Variants in CWC22 observed in about 807,000 individuals in gnomAD.
CWC22 encodes the protein pre-mRNA-splicing factor CWC22 homolog.
A neutral mutation model predicts 117.2 loss-of-function variants in CWC22; 53 were observed. The observed-to-expected ratio is 0.45, with a 90% CI of 0.36 to 0.57. The LOEUF (loss-of-function observed/expected upper bound fraction) is 0.57. CWC22 is among the 20% of genes least tolerant of loss of function. The probability of loss-of-function intolerance (pLI) is 0.00; values close to 1 mark genes in which losing one functional copy is unlikely to be tolerated. For missense variants in CWC22, 980 were observed against 1,068.8 expected (o/e 0.92, Z 1.16); for synonymous variants, 360 against 355.6 (o/e 1.01, Z -0.14).
intron 13 of CWC22, among the ~76,000 whole-genome samples, chr2:179,963,194 C>T (rs1686797750): frequency 6.6e-6 from 1 of 151,286 alleles, no homozygotes; most frequent in Non-Finnish European, 1.5e-5. Flanking sequence ...AATACTAACA[C>T]AGTAAATCTG....
chr2:179,989,639 G>A (rs1190775598), intron 2 of CWC22, among the ~76,000 whole-genome samples: 1 of 152,134 alleles, frequency 6.6e-6, no homozygotes, highest in Non-Finnish European at 1.5e-5. Context: ...CATGTAACAT[G>A]AGACTGACAT....
chr2:179,945,801 G>C (rs1442755345), intron 19 of CWC22, 86 bp from the exon 20 acceptor site: 1 of 855,286 alleles, frequency 1.2e-6, no homozygotes, highest in Non-Finnish European at 1.8e-6. Flanking sequence ...ATACAGTGTA[G>C]GTTTACTAAC....
chr2:179,962,664 T>C (rs541384410), intron 13 of CWC22, among the ~76,000 whole-genome samples: 101 of 152,230 alleles, frequency 6.6e-4, no homozygotes, highest in African/African-American at 2.3e-3. Context: ...ACTAAACAAT[T>C]CTGTATATAA....
chr2:179,982,246 T>G (rs935471160), intron 4 of CWC22, among the ~76,000 whole-genome samples: 1 of 152,090 alleles, frequency 6.6e-6, no homozygotes, highest in African/African-American at 2.4e-5. Context: ...TTGCAACTAG[T>G]AGAAGAGGGA....
At chr2:179,963,443 C>T (rs1047930840) in intron 13 of CWC22, among the ~76,000 whole-genome samples, 7 of 141,924 alleles carry the variant, frequency 4.9e-5, no homozygotes, top group Non-Finnish European at 1.1e-4. Flanking sequence ...CCCAGGTTCA[C>T]GCCATTCTCC....
chr2:179,997,629 G>A (rs1687741494), intron 1 of CWC22, among the ~76,000 whole-genome samples: 1 of 152,060 alleles, frequency 6.6e-6, no homozygotes. Flanking sequence ...ACCTCTACTA[G>A]CACAACCATT....
chr2:179,946,218 G>C (rs777028908), intron 19 of CWC22, among the ~76,000 whole-genome samples: 1 of 151,998 alleles, frequency 6.6e-6, no homozygotes, highest in Non-Finnish European at 1.5e-5. Context: ...CAGAGGGGGT[G>C]GGGGACAGAT....
rs755481775 is a variant in CWC22, at chr2:179,981,993, T to G, written c.211A>C (p.Arg71=). The change falls in exon 5 of 20, where the codon AGG becomes CGG. Residue 71 remains arginine (R), a synonymous_variant. Coordinates refer to ENST00000410053, the MANE Select transcript of CWC22 (RefSeq NM_020943.3). ...SYDSSMESRN[R]DREKRRERER... is the part of the protein sequence containing the mutation. ...CTTTCTCTGCGTTTTTCTCGGTCCC[T>G]GTTTCTGTAATATAAATTTTTTGAA... is the stretch of plus-strand genomic sequence containing the variant. 6.6e-7 allele frequency: 1 copy of G among 1,509,382 alleles called. No homozygotes were observed. Among genetic ancestry groups the G allele is most frequent in the Admixed American group, 2.0e-5 (1 of 49,350 alleles). The allele number at this position is 1,509,382 out of a possible 1,614,324, so 93.5% of individuals were successfully genotyped here.
In CWC22 at chr2:179,954,865, A is replaced by G. The variant is rs13406101; in HGVS notation, c.1536+92T>C. The G allele has an allele frequency of 0.01, 7,862 of 784,842 alleles. 428 individuals are homozygous for G. The African/African-American group carries it at 0.12, about 12-fold the overall frequency. 48.6% of individuals were successfully genotyped at this position (784,842 alleles called of 1,614,324 possible). A position where few individuals can be genotyped will look rare whatever the true frequency, so the allele number is the denominator to read the frequency against. ...TAATTTGCTTTTAGCAAAAGTGGTAATATGTTTTTAAATGAGACCAGACCA... is the reference window on the plus strand; with the variant it reads ...TAATTTGCTTTTAGCAAAAGTGGTAGTATGTTTTTAAATGAGACCAGACCA... On this transcript the variant is annotated intron_variant, in intron 15 of 19. Transcript: ENST00000410053.
intron 14 of CWC22, among the ~76,000 whole-genome samples, chr2:179,956,864 T>C (rs561694114): frequency 6.6e-6 from 1 of 151,996 alleles, no homozygotes; most frequent in African/African-American, 2.4e-5. Flanking sequence ...AATATGCTGA[T>C]AGCACTGCTA....
At chr2:179,963,861 A>C (rs1416719522) in intron 13 of CWC22, among the ~76,000 whole-genome samples, 1 of 152,208 alleles carries the variant, frequency 6.6e-6, no homozygotes, top group East Asian at 1.9e-4. Flanking sequence ...AAACTGAGAA[A>C]ACATTTCTCC....
chr2:179,970,230 T>C (rs1176872228), intron 11 of CWC22, among the ~76,000 whole-genome samples: 3 of 152,124 alleles, frequency 2.0e-5, no homozygotes, highest in Non-Finnish European at 2.9e-5. Context: ...CACTAATCTA[T>C]GAATATTTCT....
chr2:179,952,456 T>G lies in CWC22; in HGVS notation c.1817+15A>C, dbSNP rs747198140. ...GAGGTCAATAAGAATAAAAAGTGCT[T>G]AATGGCAAACTTACTCATCCTTTAA... On this transcript the variant is annotated intron_variant, in intron 17 of 19. Coordinates refer to ENST00000410053, the MANE Select transcript of CWC22 (RefSeq NM_020943.3). 1 of 1,552,194 alleles carries G rather than the reference T, an allele frequency of 6.4e-7. No homozygotes were observed. The highest frequency in any genetic ancestry group is 2.3e-5 in the East Asian group (1 of 42,840).
intron 11 of CWC22, among the ~76,000 whole-genome samples, chr2:179,969,485 T>C (rs1686976424): frequency 1.3e-5 from 2 of 152,226 alleles, no homozygotes; most frequent in Non-Finnish European, 2.9e-5. Flanking sequence ...AACAATGGAA[T>C]GCAGACAGAG....
chr2:179,967,569 A>G (rs562874268), intron 11 of CWC22, among the ~76,000 whole-genome samples: 1 of 152,360 alleles, frequency 6.6e-6, no homozygotes, highest in South Asian at 2.1e-4. Flanking sequence ...TAAACAAGGC[A>G]TCAAACTTCA....
At chr2:179,945,952 G>A (rs562752089) in intron 19 of CWC22, among the ~76,000 whole-genome samples, 11 of 152,072 alleles carry the variant, frequency 7.2e-5, no homozygotes, top group African/African-American at 2.2e-4. Context: ...GCGCAATCTC[G>A]GCTCACTGCA....
At chr2:179,978,139 T>C in intron 6 of CWC22, 51 bp downstream of exon 6, 2 of 1,416,722 alleles carry the variant, frequency 1.4e-6, no homozygotes, top group South Asian at 3.7e-5. Flanking sequence ...GATATTATAT[T>C]CCTTTGAAAA....
Position 179,989,777 on chromosome 2 carries a change from T to C in CWC22, c.28-1133A>G, listed in dbSNP as rs1473242784. Among the ~76,000 whole-genome samples the C allele has an allele frequency of 2.0e-5, 3 of 152,202 alleles. No homozygotes were observed. The East Asian group carries it at 5.8e-4, about 29-fold the overall frequency. On this transcript the variant is annotated intron_variant, in intron 2 of 19. Transcript: ENST00000410053. ...TTTATATAACTGGTCAACATTCAAA[T>C]ATCGACAAGCCTTTTTTTAAGAATT...
At chr2:179,990,909 G>A (rs948667787) in intron 2 of CWC22, among the ~76,000 whole-genome samples, 1 of 152,124 alleles carries the variant, frequency 6.6e-6, no homozygotes, top group Non-Finnish European at 1.5e-5. Flanking sequence ...GTGGGAAAAC[G>A]GGGACTTGAA....
Sources: allele counts gnomAD v4.1 joint callset (sites outside exome capture counted in the v4.1 genomes callset), GRCh38; gene constraint gnomAD v4.1.1; transcripts MANE v1.5; gene names NCBI Gene and HGNC (gene_info 2026-07-23, HGNC 2026-07-21).